The following SYT16 variants were observed in gnomAD, a reference collection of about 807,000 sequenced individuals.
SYT16 encodes synaptotagmin-16.
Under a neutral mutation model 61.4 loss-of-function variants are expected in SYT16, and 42 were observed. That is an observed-to-expected ratio of 0.68 (90% confidence interval 0.53 to 0.89). The LOEUF is 0.89. Among genes scored for constraint, SYT16 ranks in the 40% least tolerant of loss-of-function variants. The pLI, the probability that SYT16 is intolerant of heterozygous loss-of-function variation, is 0.00. For synonymous variants in SYT16, 314 were observed against 302.3 expected (o/e 1.04, Z -0.40); for missense variants, 804 against 807.3 (o/e 1.00, Z 0.05).
intron 4 of SYT16, among the ~76,000 whole-genome samples, chr14:62,074,692 T>A (rs2056420066): frequency 6.6e-6 from 1 of 152,176 alleles, no homozygotes; most frequent in Non-Finnish European, 1.5e-5. Flanking sequence ...ACTTTTTACT[T>A]GGTAGGATCA....
At chr14:62,007,546 G>A (rs931919436) in intron 3 of SYT16, among the ~76,000 whole-genome samples, 6 of 152,086 alleles carry the variant, frequency 3.9e-5, no homozygotes, top group Non-Finnish European at 7.4e-5. Flanking sequence ...AAGCCTTAAC[G>A]TTTAAGTTGA....
intron 6 of SYT16, 98 bp downstream of exon 6, chr14:62,081,372 CTTTAA>C (rs1251445899): frequency 2.3e-6 from 3 of 1,325,794 alleles, no homozygotes; most frequent in Non-Finnish European, 3.1e-6. Flanking sequence ...AATTCAGAGA[CTTTAA>C]TTTAATTTTC....
intron 1 of SYT16, among the ~76,000 whole-genome samples, chr14:61,856,964 C>G (rs779056484): frequency 5.3e-5 from 8 of 152,092 alleles, no homozygotes; most frequent in Admixed American, 2.0e-4. Flanking sequence ...AATGATCAAC[C>G]ATGTCAAATG....
At chr14:61,934,989 T>A (rs2140434435) in intron 1 of SYT16, among the ~76,000 whole-genome samples, 1 of 152,366 alleles carries the variant, frequency 6.6e-6, no homozygotes, top group Admixed American at 6.5e-5. Flanking sequence ...TTTCAAAATT[T>A]ATTTATTGCA....
At chr14:61,974,079 A>G (rs763274464) in intron 2 of SYT16, among the ~76,000 whole-genome samples, 3 of 152,112 alleles carry the variant, frequency 2.0e-5, no homozygotes, top group Non-Finnish European at 4.4e-5. Context: ...TGGGGCAAAT[A>G]TACTGGTGGT....
At chr14:62,077,114 A>G (rs1216462874) in intron 5 of SYT16, among the ~76,000 whole-genome samples, 1 of 152,196 alleles carries the variant, frequency 6.6e-6, no homozygotes, top group Non-Finnish European at 1.5e-5. Context: ...TCTTAGCTGT[A>G]TTGAGAACTC....
At chr14:62,049,881 C>G (rs1272799481) in intron 3 of SYT16, among the ~76,000 whole-genome samples, 1 of 152,200 alleles carries the variant, frequency 6.6e-6, no homozygotes, top group Non-Finnish European at 1.5e-5. Context: ...GTAACCCGAC[C>G]TTTCTCTCTG....
chr14:62,004,679 C>T (rs145026957), intron 3 of SYT16, among the ~76,000 whole-genome samples: 113 of 152,252 alleles, frequency 7.4e-4, no homozygotes, highest in Non-Finnish European at 1.4e-3. Flanking sequence ...ACCAAAAAGA[C>T]GTGCCATGAA....
chr14:61,877,702 G>T (rs1184469294), intron 1 of SYT16, among the ~76,000 whole-genome samples: 1 of 152,112 alleles, frequency 6.6e-6, no homozygotes, highest in Admixed American at 6.5e-5. Flanking sequence ...TTGCCCTGTG[G>T]CCTTCTCCCT....
intron 1 of SYT16, among the ~76,000 whole-genome samples, chr14:61,864,014 C>T (rs954682948): frequency 3.9e-5 from 6 of 152,168 alleles, no homozygotes; most frequent in African/African-American, 1.2e-4. Flanking sequence ...TTTTATAGCA[C>T]GTCTTGAAGT....
chr14:62,065,964 G>C (rs1428458468), intron 3 of SYT16, among the ~76,000 whole-genome samples: 1 of 152,210 alleles, frequency 6.6e-6, no homozygotes, highest in African/African-American at 2.4e-5. Context: ...AAGCCCTACT[G>C]TGGCGTTAGA....
chr14:61,875,391 A>G (rs1405859677), intron 1 of SYT16, among the ~76,000 whole-genome samples: 1 of 152,214 alleles, frequency 6.6e-6, no homozygotes, highest in Admixed American at 6.5e-5. Flanking sequence ...GGGTGTACAT[A>G]AAATAAAGAC....
intron 3 of SYT16, among the ~76,000 whole-genome samples, chr14:62,044,921 C>T (rs1164932398): frequency 3.9e-5 from 6 of 152,086 alleles, no homozygotes; most frequent in South Asian, 2.1e-4. Flanking sequence ...GGGTGGATCA[C>T]GAGGTCAGGA....
At chr14:62,000,318 G>A (rs1313100675) in intron 3 of SYT16, among the ~76,000 whole-genome samples, 1 of 151,158 alleles carries the variant, frequency 6.6e-6, no homozygotes, top group Non-Finnish European at 1.5e-5. Flanking sequence ...ATTATGTAAT[G>A]TACCATTTTT....
At chr14:61,842,242 C>A (rs1230438045) in intron 1 of SYT16, among the ~76,000 whole-genome samples, 1 of 152,098 alleles carries the variant, frequency 6.6e-6, no homozygotes. Context: ...TGTAGTTACC[C>A]TGTTGTGCTA....
intron 2 of SYT16, among the ~76,000 whole-genome samples, chr14:61,977,079 C>T (rs557379456): frequency 2.0e-5 from 3 of 152,234 alleles, no homozygotes; most frequent in African/African-American, 7.2e-5. Context: ...CAAGAAGTTC[C>T]TCATCTCCAT....
At position 62,062,884 on chromosome 14, in the gene SYT16, T is replaced by C. The variant is rs148091836; in HGVS notation, c.524-6719T>C. On this transcript the variant is annotated intron_variant, in intron 3 of 7. Transcript: ENST00000683842. Reference sequence around the variant, plus strand: ...CGATGTGAGCAATACTTGCCTCCACTGCATTGCTCCTATGTGGGTGGGAAG... The same window carrying C: ...CGATGTGAGCAATACTTGCCTCCACCGCATTGCTCCTATGTGGGTGGGAAG... 1.2e-3 allele frequency among the ~76,000 whole-genome samples: 186 copies of C among 152,312 alleles called. 3 individuals are homozygous for C. In the East Asian group the frequency reaches 0.034, roughly 28 times the overall value.
At chr14:61,945,127 T>C (rs1312561353) in intron 1 of SYT16, among the ~76,000 whole-genome samples, 1 of 152,182 alleles carries the variant, frequency 6.6e-6, no homozygotes, top group Non-Finnish European at 1.5e-5. Flanking sequence ...AGCAGACATA[T>C]GAAAGAAAGC....
At chr14:61,948,640 C>T (rs1043950748) in intron 1 of SYT16, among the ~76,000 whole-genome samples, 4 of 152,060 alleles carry the variant, frequency 2.6e-5, no homozygotes, top group South Asian at 2.1e-4. Flanking sequence ...TAGAGATATA[C>T]GTGCCAGATT....
Sources: gnomAD v4.1 joint callset for allele counts (sites outside exome capture counted in the v4.1 genomes callset) on GRCh38, gnomAD v4.1.1 for gene constraint, MANE v1.5 for transcripts, NCBI Gene and HGNC (gene_info 2026-07-23, HGNC 2026-07-21) for gene names.